LZTFL1: variants seen among roughly 807,000 people sequenced by gnomAD.
LZTFL1 encodes leucine zipper transcription factor-like protein 1.
A neutral mutation model predicts 45.9 loss-of-function variants in LZTFL1; 25 were observed. The ratio of observed to expected loss-of-function variants is 0.54; its 90% CI spans 0.40 to 0.76. The LOEUF is 0.76. Among genes scored for constraint, LZTFL1 ranks in the 30% least tolerant of loss-of-function variants. The pLI is 0.00. For missense variants in LZTFL1, 277 were observed against 331.1 expected, an observed-to-expected ratio of 0.84 and a Z score of 1.27; for synonymous variants, 93 against 117.4, an observed-to-expected ratio of 0.79 and a Z score of 1.35.
chr3:45,831,060 A>T lies in LZTFL1; in HGVS notation c.522+13T>A. 6.2e-7 allele frequency: 1 copy of T among 1,608,868 alleles called. No individual in the cohort carries two copies. The highest frequency in any genetic ancestry group is 1.3e-5 in the African/African-American group (1 of 74,856). ...GGCAGTTCAATAATTGTGTCAAAAC[A>T]TTTCTCAGTTACCTGTATTTCAATG... On this transcript the variant is annotated intron_variant, in intron 6 of 9. Transcript: ENST00000296135.
At chr3:45,880,222 G>T (rs574983337) in intron 2 of LZTFL1, among the ~76,000 whole-genome samples, 20 of 152,208 alleles carry the variant, frequency 1.3e-4, no homozygotes, top group Non-Finnish European at 2.2e-4. Flanking sequence ...ATGGAAATCA[G>T]GCTAGGCGAG....
At chr3:45,884,116 C>G (rs1309001075) in intron 2 of LZTFL1, 1 of 158,740 alleles carries the variant, frequency 6.3e-6, no homozygotes, top group Non-Finnish European at 1.4e-5. Context: ...ACCTCCATCT[C>G]TTCCCTCAGA....
chr3:45,841,396 C>G (rs1391882999), intron 1 of LZTFL1, among the ~76,000 whole-genome samples: 2 of 152,186 alleles, frequency 1.3e-5, no homozygotes, highest in Non-Finnish European at 2.9e-5. Context: ...CAAGCCAAAA[C>G]AAAGGAAATG....
At chr3:45,842,217 C>T (rs1215666720), upstream of LZTFL1, 1 of 1,399,526 alleles carries the variant, frequency 7.1e-7, no homozygotes, top group Non-Finnish European at 9.4e-7. Context: ...CGGTTGACTG[C>T]CACATGCGCA....
chr3:45,914,478 T>C (rs1293838063), intron 1 of LZTFL1, among the ~76,000 whole-genome samples: 22 of 152,130 alleles, frequency 1.4e-4, no homozygotes, highest in Admixed American at 1.4e-3. Flanking sequence ...CTCCCTATGT[T>C]ATGCAGGTTG....
chr3:45,877,992 C>T (rs1272065294), intron 2 of LZTFL1, among the ~76,000 whole-genome samples: 3 of 152,028 alleles, frequency 2.0e-5, no homozygotes, highest in African/African-American at 7.2e-5. Flanking sequence ...ATGATCCACC[C>T]GCCTCAGCCT....
At chr3:45,870,814 T>G (rs1023501435) in intron 2 of LZTFL1, among the ~76,000 whole-genome samples, 3 of 152,246 alleles carry the variant, frequency 2.0e-5, no homozygotes, top group Non-Finnish European at 2.9e-5. Context: ...CCCCCTGACT[T>G]CTTCCAGGAG....
upstream of LZTFL1, among the ~76,000 whole-genome samples, chr3:45,845,128 T>C (rs1361346645): frequency 6.6e-6 from 1 of 152,192 alleles, no homozygotes; most frequent in Non-Finnish European, 1.5e-5. Context: ...CACCAGCTCC[T>C]CTTTCCATAC....
chr3:45,870,600 A>T (rs916663621), intron 2 of LZTFL1, among the ~76,000 whole-genome samples: 6 of 152,270 alleles, frequency 3.9e-5, no homozygotes, highest in Non-Finnish European at 8.8e-5. Context: ...GTAATTGTAT[A>T]TTTGTACAAA....
rs563078722 is a variant in LZTFL1 at position 45,877,430 on chromosome 3, C to T, written c.-214-18414G>A. ...TGCATTTTTAGTAGAGATGGGATTT[C>T]ACCATGTTGGTCGGGCTGGTCTCGA... On this transcript the variant is annotated intron_variant, in intron 2 of 4. Transcript: ENST00000472635. Among the ~76,000 whole-genome samples the T allele has an allele frequency of 1.1e-4, 17 of 152,028 alleles. No homozygotes were observed. In the South Asian group the frequency reaches 1.7e-3, roughly 15 times the overall value.
chr3:45,873,754 A>T (rs1343819110), intron 2 of LZTFL1, among the ~76,000 whole-genome samples: 1 of 152,140 alleles, frequency 6.6e-6, no homozygotes, highest in Non-Finnish European at 1.5e-5. Context: ...CCAAACCAAA[A>T]CAAAACCTCT....
At chr3:45,883,183 G>T (rs1301214178) in intron 2 of LZTFL1, among the ~76,000 whole-genome samples, 1 of 152,174 alleles carries the variant, frequency 6.6e-6, no homozygotes, top group Non-Finnish European at 1.5e-5. Context: ...AGAGAGGGAA[G>T]TTTTTGAAAA....
At chr3:45,831,185 A>G in intron 5 of LZTFL1, 47 bp from the exon 6 acceptor site, 1 of 1,003,472 alleles carries the variant, frequency 1.0e-6, no homozygotes, top group African/African-American at 1.6e-5. Flanking sequence ...AAATATTTTA[A>G]TATTTGAAAT....
intron 7 of LZTFL1, among the ~76,000 whole-genome samples, chr3:45,829,272 C>A (rs1185826381): frequency 2.0e-5 from 3 of 151,998 alleles, no homozygotes; most frequent in Admixed American, 2.0e-4. Context: ...ACTGATAAGA[C>A]AGTAAAATGG....
rs200422187 is a variant in LZTFL1 at position 45,901,137 on chromosome 3, T to A, written c.-215+11983A>T. 10 of 1,614,086 alleles carry A rather than the reference T, an allele frequency of 6.2e-6. No homozygotes were observed. The African/African-American group carries it at 1.1e-4, about 17-fold the overall frequency. On this transcript the variant is annotated intron_variant, in intron 2 of 4. Transcript: ENST00000472635. This position sits in a 1 kb window ranked among gnomAD's most constrained non-coding sequence, Gnocchi z 4.3. Reference sequence around the variant, plus strand: ...TGCTGACCAGTGGAAGTTCCAGACCTTCATGTGCAAGGTGGTCAACAGCAT... The same window carrying A: ...TGCTGACCAGTGGAAGTTCCAGACCATCATGTGCAAGGTGGTCAACAGCAT...
intron 2 of LZTFL1, among the ~76,000 whole-genome samples, chr3:45,870,294 G>A (rs539683695): frequency 3.3e-5 from 5 of 152,314 alleles, no homozygotes; most frequent in African/African-American, 7.2e-5. Flanking sequence ...CTTGGTTTTC[G>A]CTGCTCTAGA....
chr3:45,827,161 C>A, intron 9 of LZTFL1, 195 bp downstream of exon 9: 1 of 556,198 alleles, frequency 1.8e-6, no homozygotes, highest in Non-Finnish European at 3.2e-6. Flanking sequence ...CCTAGATGAA[C>A]CTAAAAAGAA....
chr3:45,905,357 A>T (rs1430741466), intron 2 of LZTFL1, among the ~76,000 whole-genome samples: 1 of 152,242 alleles, frequency 6.6e-6, no homozygotes, highest in Non-Finnish European at 1.5e-5. Context: ...CAGACAACCC[A>T]GACAGCTAAT....
rs542372649 is a variant in LZTFL1 at position 45,849,128 on chromosome 3, G to T, written c.-49+5858C>A. Among the ~76,000 whole-genome samples, 236 of 152,278 alleles carry T rather than the reference G, an allele frequency of 1.5e-3. 1 individual carries two copies. Among genetic ancestry groups the T allele is most frequent in the Non-Finnish European group, 2.6e-3 (178 of 68,026 alleles). On this transcript the variant is annotated intron_variant, in intron 4 of 4. Coordinates refer to the LZTFL1 transcript ENST00000472635. ...ATGCTAACCATCCAGCAGGACAGAC[G>T]GACCCATTAGAGGATCATGTCATGT...
Sources: allele counts gnomAD v4.1 joint callset (sites outside exome capture counted in the v4.1 genomes callset), GRCh38; gene constraint gnomAD v4.1.1; non-coding constraint Gnocchi (gnomAD v3.1); transcripts MANE v1.5; gene names NCBI Gene and HGNC (gene_info 2026-07-23, HGNC 2026-07-21).